Variants in PLPPR1 observed in about 807,000 individuals in gnomAD.
The protein encoded by PLPPR1 is phospholipid phosphatase-related protein type 1.
Under a neutral mutation model 33.1 loss-of-function variants are expected in PLPPR1, and 10 were observed. The observed-to-expected ratio is 0.30, with a 90% CI of 0.19 to 0.51. The LOEUF (loss-of-function observed/expected upper bound fraction) is 0.51, where lower values mean the gene tolerates loss of function less well. Ranked by LOEUF, PLPPR1 falls within the 20% of genes least tolerant of loss-of-function variation. The probability of loss-of-function intolerance (pLI) is 0.97; values close to 1 mark genes in which losing one functional copy is unlikely to be tolerated. For synonymous variants in PLPPR1, 151 were observed against 151.0 expected, an observed-to-expected ratio of 1.00 and a Z score of 0.00; for missense variants, 304 against 408.1, an observed-to-expected ratio of 0.74 and a Z score of 2.20.
intron 1 of PLPPR1, among the ~76,000 whole-genome samples, chr9:101,085,247 A>G (rs1830662694): frequency 6.6e-6 from 1 of 152,224 alleles, no homozygotes; most frequent in South Asian, 2.1e-4. Context: ...TCCAAGGCCC[A>G]GTGATACATT....
chr9:101,080,340 T>A (rs1488641329), intron 1 of PLPPR1, among the ~76,000 whole-genome samples: 1 of 151,978 alleles, frequency 6.6e-6, no homozygotes, highest in African/African-American at 2.4e-5. Context: ...CCGGCTGACA[T>A]GCAAAAGCCT....
At chr9:101,071,094 C>T (rs1028627568) in intron 1 of PLPPR1, among the ~76,000 whole-genome samples, 9 of 152,030 alleles carry the variant, frequency 5.9e-5, no homozygotes, top group East Asian at 1.9e-4. Context: ...ATGGGGAGGC[C>T]GAGGGCTGCA....
chr9:101,183,384 C>T (rs187663692), intron 1 of PLPPR1, among the ~76,000 whole-genome samples: 6 of 151,736 alleles, frequency 4.0e-5, no homozygotes, highest in East Asian at 3.9e-4. Context: ...AAATATGCTA[C>T]GTGAAGAAAT....
At chr9:101,265,650 C>A (rs935657002) in intron 2 of PLPPR1, among the ~76,000 whole-genome samples, 1 of 152,252 alleles carries the variant, frequency 6.6e-6, no homozygotes, top group East Asian at 1.9e-4. Context: ...GAGACAGAAT[C>A]AATGTGTGTT....
chr9:101,125,394 GCTTACTTACTTATCTCTA>G (rs1400831511), intron 1 of PLPPR1: 5 of 186,732 alleles, frequency 2.7e-5, no homozygotes, highest in African/African-American at 7.1e-5. Context: ...ATTTATCTCT[GCTTACTTACTTATCTCTA>G]CTTACTTACT....
chr9:101,131,088 T>C (rs1372269185), intron 1 of PLPPR1, among the ~76,000 whole-genome samples: 1 of 152,226 alleles, frequency 6.6e-6, no homozygotes, highest in Non-Finnish European at 1.5e-5. Context: ...TCTACTTCCC[T>C]TCTCATTCTG....
At chr9:101,152,476 G>C (rs1182491849) in intron 1 of PLPPR1, among the ~76,000 whole-genome samples, 1 of 152,192 alleles carries the variant, frequency 6.6e-6, no homozygotes, top group Non-Finnish European at 1.5e-5. Context: ...CCTTGCCCAT[G>C]CCTATGTCCT....
intron 3 of PLPPR1, among the ~76,000 whole-genome samples, chr9:101,283,346 G>T (rs1315711097): frequency 6.6e-6 from 1 of 152,122 alleles, no homozygotes; most frequent in African/African-American, 2.4e-5. Flanking sequence ...ACAGAACCCA[G>T]AAATAAATCC....
intron 4 of PLPPR1, among the ~76,000 whole-genome samples, chr9:101,289,431 C>G (rs1828452866): frequency 6.6e-6 from 1 of 152,162 alleles, no homozygotes; most frequent in Non-Finnish European, 1.5e-5. Context: ...TTCAAAGTAC[C>G]TGGTACATAG....
chr9:101,316,202 C>T (rs926224824), intron 6 of PLPPR1, among the ~76,000 whole-genome samples: 6 of 151,974 alleles, frequency 3.9e-5, no homozygotes, highest in Non-Finnish European at 5.9e-5. Context: ...TTTGGGAGGC[C>T]GAGGCCAGCA....
chr9:101,075,333 T>A (rs1830523246), intron 1 of PLPPR1, among the ~76,000 whole-genome samples: 1 of 152,238 alleles, frequency 6.6e-6, no homozygotes, highest in African/African-American at 2.4e-5. Context: ...GGTCTTTTTA[T>A]AAAATAGCTT....
At chr9:101,115,953 C>G (rs764685879) in intron 1 of PLPPR1, among the ~76,000 whole-genome samples, 2 of 152,130 alleles carry the variant, frequency 1.3e-5, no homozygotes, top group Admixed American at 6.6e-5. Context: ...TACTTAACAG[C>G]AGATTTTGGA....
At chr9:101,319,738 C>T (rs1207923825) in intron 7 of PLPPR1, among the ~76,000 whole-genome samples, 1 of 152,140 alleles carries the variant, frequency 6.6e-6, no homozygotes, top group Non-Finnish European at 1.5e-5. Flanking sequence ...CTTTTCTTCC[C>T]TAATTACAAT....
chr9:101,247,794 G>T (rs1226110410), intron 2 of PLPPR1, among the ~76,000 whole-genome samples: 1 of 151,878 alleles, frequency 6.6e-6, no homozygotes, highest in Non-Finnish European at 1.5e-5. Context: ...CAGGCCCAGG[G>T]TACTCCTTGA....
Position 101,269,451 on chromosome 9 carries a change from G to GT in PLPPR1, c.64-428dup, listed in dbSNP as rs537999415. On this transcript the variant is annotated intron_variant, in intron 2 of 7. Transcript: ENST00000374874. ...TTACCTACCTTTCATATTTCATAAG[G>GT]TAAGTCTACCTGTAATATTATATGA... 1.5e-4 allele frequency among the ~76,000 whole-genome samples: 23 copies of GT among 152,106 alleles called. No homozygotes were observed. The East Asian group carries it at 3.3e-3, about 22-fold the overall frequency.
At chr9:101,042,859 A>G (rs1031819001) in intron 1 of PLPPR1, among the ~76,000 whole-genome samples, 1 of 152,170 alleles carries the variant, frequency 6.6e-6, no homozygotes, top group African/African-American at 2.4e-5. Context: ...TTCACCCAGG[A>G]TAATTTCTCC....
intron 2 of PLPPR1, among the ~76,000 whole-genome samples, chr9:101,233,037 A>G (rs776114170): frequency 3.3e-5 from 5 of 152,006 alleles, no homozygotes; most frequent in African/African-American, 4.8e-5. Flanking sequence ...TCAGATTCCA[A>G]ACCTGTGTTG....
intron 2 of PLPPR1, among the ~76,000 whole-genome samples, chr9:101,194,641 C>T (rs1480025122): frequency 1.3e-5 from 2 of 151,504 alleles, no homozygotes; most frequent in East Asian, 3.9e-4. Context: ...ATCTCAGCTA[C>T]TTGGGAGGCT....
chr9:101,184,207 T>C (rs535530368), intron 1 of PLPPR1, among the ~76,000 whole-genome samples: 92 of 151,940 alleles, frequency 6.1e-4, no homozygotes, highest in African/African-American at 1.9e-3. Context: ...CCAATTTTAA[T>C]TGAAAAAAAT....
Sources: gnomAD v4.1 joint callset for allele counts (sites outside exome capture counted in the v4.1 genomes callset) on GRCh38, gnomAD v4.1.1 for gene constraint, MANE v1.5 for transcripts, NCBI Gene and HGNC (gene_info 2026-07-23, HGNC 2026-07-21) for gene names.